The following RNF20 variants were observed in gnomAD, a reference collection of about 807,000 sequenced individuals.
RNF20 encodes the protein ring finger protein 20, also known as E3 ubiquitin-protein ligase BRE1A.
RNF20 carries 84 observed loss-of-function variants against 126.2 expected under a neutral mutation model. That is an observed-to-expected ratio of 0.67 (90% CI 0.56 to 0.80). RNF20 has a LOEUF of 0.80. Ranked by LOEUF, RNF20 falls within the 30% of genes least tolerant of loss-of-function variation. The pLI is 0.00. For synonymous variants in RNF20, 400 were observed against 414.3 expected (o/e 0.97, Z 0.42); for missense variants, 869 against 1,188.2 (o/e 0.73, Z 3.95).
intron 3 of RNF20, 36 bp from the exon 4 acceptor site, chr9:101,540,454 C>CAAAG: frequency 1.2e-6 from 2 of 1,611,150 alleles, no homozygotes; most frequent in Non-Finnish European, 1.7e-6. Flanking sequence ...AAGTTGTGTC[C>CAAAG]TTTGTTTCTT....
rs757235521 is a variant in RNF20, at chr9:101,547,142, T to G, written c.900T>G (p.Asn300Lys). Residue 300 changes from asparagine (N) to lysine (K), a missense_variant, in exon 8 of 20, where the codon AAT (asparagine) becomes AAG (lysine). Physicochemically the swap from Asn to Lys is moderately conservative, Grantham distance 94 (BLOSUM62 0). Around this residue, in one of 8 missense-constraint regions of RNF20, gnomAD observed 153 missense variants for 226.4 expected, o/e 0.68. Transcript: ENST00000389120. The stretch of plus-strand genomic sequence containing the variant: ...AATCTTTGTGTTCTCTGTAGGTGAA[T>G]TCCAAAGGTTATAAGGTGTATGGAG... ...RHLAEVLERVNSKGYKVYGAG... is the reference protein window; with the variant it reads ...RHLAEVLERVKSKGYKVYGAG... The G allele has an allele frequency of 3.1e-6, 5 of 1,614,006 alleles. No individual in the cohort carries two copies. In the Admixed American group the frequency reaches 8.3e-5, roughly 27 times the overall value.
chr9:101,562,167 C>T, intron 19 of RNF20, 79 bp from the exon 20 acceptor site: 1 of 1,465,260 alleles, frequency 6.8e-7, no homozygotes, highest in Non-Finnish European at 9.3e-7. Flanking sequence ...GGGTTTTCTT[C>T]TTGGTTGTGT....
chr9:101,538,636 G>A (rs1827219374), intron 2 of RNF20, among the ~76,000 whole-genome samples: 1 of 152,140 alleles, frequency 6.6e-6, no homozygotes, highest in Non-Finnish European at 1.5e-5. Context: ...AGAAGGGAAA[G>A]GCAATGTTCA....
chr9:101,537,075 A>T (rs1827196562), intron 2 of RNF20, among the ~76,000 whole-genome samples: 1 of 152,232 alleles, frequency 6.6e-6, no homozygotes, highest in African/African-American at 2.4e-5. Flanking sequence ...TGATTGCGGG[A>T]CAGAAAAACT....
At chr9:101,536,934 G>A (rs552881930) in intron 2 of RNF20, among the ~76,000 whole-genome samples, 6 of 152,206 alleles carry the variant, frequency 3.9e-5, no homozygotes, top group East Asian at 1.9e-4. Context: ...ACTCTCTTTC[G>A]CTATAACTGC....
chr9:101,551,652 AT>A (rs778365508), intron 10 of RNF20, 31 bp from the exon 11 acceptor site: 1 of 1,536,666 alleles, frequency 6.5e-7, no homozygotes, highest in Non-Finnish European at 8.7e-7. Flanking sequence ...TTTAATAAGA[AT>A]TTTTTTATTG....
intron 9 of RNF20, among the ~76,000 whole-genome samples, chr9:101,550,405 A>T (rs1317776313): frequency 6.6e-6 from 1 of 152,236 alleles, no homozygotes; most frequent in Non-Finnish European, 1.5e-5. Context: ...AATACAGTAT[A>T]TCCAGGTACC....
intron 13 of RNF20, among the ~76,000 whole-genome samples, chr9:101,553,101 T>G (rs1024058830): frequency 1.3e-5 from 2 of 152,236 alleles, no homozygotes; most frequent in African/African-American, 2.4e-5. Context: ...TTAATTGTAA[T>G]TTAAATGATA....
At chr9:101,554,993 T>C (rs1003602737) in intron 15 of RNF20, 150 bp downstream of exon 15, 1 of 484,590 alleles carries the variant, frequency 2.1e-6, no homozygotes, top group African/African-American at 2.0e-5. Flanking sequence ...AATTCTTACC[T>C]TCAAGTCTTT....
rs748659375 is a variant in RNF20, at chr9:101,540,776, T to TC, written c.446-12dup. ...TATAATTTTGGGGGGCTTCTTTTTT[T>TC]CCCCCTGTGTCCTCAGGGGAAGGGC... On this transcript the variant is annotated splice_polypyrimidine_tract_variant and intron_variant, in intron 4 of 19. Coordinates refer to ENST00000389120, the MANE Select transcript of RNF20 (RefSeq NM_019592.7). 31 of 1,592,570 alleles carry TC rather than the reference T, an allele frequency of 1.9e-5. No homozygotes were observed. In the African/African-American group the frequency reaches 3.0e-4, roughly 15 times the overall value.
At chr9:101,561,420 C>A (rs1827627020) in intron 18 of RNF20, 190 bp downstream of exon 18, 3 of 553,126 alleles carry the variant, frequency 5.4e-6, no homozygotes, top group South Asian at 5.3e-5. Context: ...TGCCTTGCAC[C>A]TAGTAGGCAC....
Position 101,561,920 on chromosome 9 carries a change from C to T in RNF20, c.2660C>T (p.Ser887Phe). 1 of 1,612,546 alleles carries T rather than the reference C, an allele frequency of 6.2e-7. No individual in the cohort carries two copies. Among genetic ancestry groups the T allele is most frequent in the South Asian group, 1.1e-5 (1 of 91,052 alleles). Residue 887 changes from serine (S) to phenylalanine (F), a missense_variant, in exon 19 of 20, where the codon TCT becomes TTT. Transcript: ENST00000389120. ...FNFKRAQEDI[S>F]RLRRKLETTK... Reference sequence around the variant, plus strand: ...GCTATCCTGCCACAGGAGGACATCTCTAGACTTCGCAGGAAGCTGGAGACC... The same window carrying T: ...GCTATCCTGCCACAGGAGGACATCTTTAGACTTCGCAGGAAGCTGGAGACC...
rs371433278 is a variant in RNF20, at chr9:101,542,116, A to G, written c.628+1141A>G. On this transcript the variant is annotated intron_variant, in intron 5 of 19. Transcript: ENST00000389120. ...GGAGGTTGAACCATTGGATGAGCAT[A>G]TAAGAATTGTATTATTCTGTAATTT... Among the ~76,000 whole-genome samples, 220 of 152,358 alleles carry G rather than the reference A, an allele frequency of 1.4e-3. 1 individual carries two copies. The Middle Eastern group carries it at 0.031, about 21-fold the overall frequency.
chr9:101,540,997 C>G, intron 5 of RNF20, 22 bp downstream of exon 5: 1 of 1,598,406 alleles, frequency 6.3e-7, no homozygotes, highest in Non-Finnish European at 8.6e-7. Context: ...CCCTGGAGGC[C>G]GGGAGTAGTG....
chr9:101,550,478 T>C, intron 9 of RNF20, 128 bp from the exon 10 acceptor site: 1 of 770,730 alleles, frequency 1.3e-6, no homozygotes, highest in Non-Finnish European at 2.2e-6. Context: ...AATGGGTAGA[T>C]AACTTAATAA....
Position 101,535,562 on chromosome 9 carries a change from A to G in RNF20, c.129+10A>G, listed in dbSNP as rs1484150918. The G allele has an allele frequency of 6.2e-7, 1 of 1,602,870 alleles. No homozygotes were observed. The highest frequency in any genetic ancestry group is 2.2e-5 in the East Asian group (1 of 44,446). The stretch of plus-strand genomic sequence containing the variant: ...AGGTGTCTCTTCAACGGTATGAGGA[A>G]ACAGTGCCATGAAAGTGTGCTTGTC... On this transcript the variant is annotated intron_variant, in intron 2 of 19. Transcript: ENST00000389120.
intron 6 of RNF20, among the ~76,000 whole-genome samples, chr9:101,546,443 G>T (rs569213529): frequency 9.9e-5 from 15 of 151,926 alleles, no homozygotes; most frequent in African/African-American, 3.4e-4. Flanking sequence ...GGTAAAAATG[G>T]TTTTTTTGAA....
At chr9:101,542,816 C>A (rs16920479) in intron 5 of RNF20, among the ~76,000 whole-genome samples, 1 of 152,004 alleles carries the variant, frequency 6.6e-6, no homozygotes, top group Admixed American at 6.6e-5. Context: ...ATTTTAAGGT[C>A]GGGTTTAAGT....
intron 8 of RNF20, 50 bp from the exon 9 acceptor site, chr9:101,547,349 T>G: frequency 1.2e-6 from 2 of 1,610,422 alleles, no homozygotes; most frequent in South Asian, 1.1e-5. Context: ...AGCTTAGAAA[T>G]GATTTAAGAA....
Sources: allele counts gnomAD v4.1 joint callset (sites outside exome capture counted in the v4.1 genomes callset), GRCh38; gene constraint gnomAD v4.1.1; regional missense constraint gnomAD v4.1.1; transcripts MANE v1.5; gene names NCBI Gene and HGNC (gene_info 2026-07-23, HGNC 2026-07-21).